The following NOL4L variants were observed in gnomAD, a reference collection of about 807,000 sequenced individuals.
NOL4L encodes nucleolar protein 4 like.
A neutral mutation model predicts 64.5 loss-of-function variants in NOL4L; 7 were observed. The observed-to-expected ratio is 0.11, with a 90% CI of 0.06 to 0.20. The LOEUF (loss-of-function observed/expected upper bound fraction) is 0.20, where lower values mean the gene tolerates loss of function less well. Ranked by LOEUF, NOL4L falls within the 10% of genes least tolerant of loss-of-function variation. NOL4L has a pLI of 1.00. For synonymous variants in NOL4L, 413 were observed against 401.0 expected (o/e 1.03, Z -0.36); for missense variants, 680 against 967.1 (o/e 0.70, Z 3.94).
chr20:32,481,461 C>T (rs1307604839), intron 4 of NOL4L, among the ~76,000 whole-genome samples: 1 of 152,196 alleles, frequency 6.6e-6, no homozygotes, highest in African/African-American at 2.4e-5. Flanking sequence ...GAGCAATTCC[C>T]AGGCGGTCCA....
chr20:32,550,178 C>G (rs181247697), intron 1 of NOL4L, among the ~76,000 whole-genome samples: 1 of 152,336 alleles, frequency 6.6e-6, no homozygotes, highest in African/African-American at 2.4e-5. Flanking sequence ...TAGAGTGTAT[C>G]TACACAATCC....
At chr20:32,487,345 G>T (rs906207768) in intron 4 of NOL4L, among the ~76,000 whole-genome samples, 1 of 151,610 alleles carries the variant, frequency 6.6e-6, no homozygotes, top group Non-Finnish European at 1.5e-5. Context: ...GATGGAATGA[G>T]GTGTGGACAA....
chr20:32,584,133 G>GCGCGCACACACACACA (rs1555811186), intron 1 of NOL4L, among the ~76,000 whole-genome samples: 5 of 88,822 alleles, frequency 5.6e-5, no homozygotes, highest in African/African-American at 2.6e-4. Flanking sequence ...CTCCGCGCGC[G>GCGCGCACACACACACA]CACACACACA....
At chr20:32,471,165 G>C (rs549680465) in intron 5 of NOL4L, among the ~76,000 whole-genome samples, 2 of 152,252 alleles carry the variant, frequency 1.3e-5, no homozygotes, top group South Asian at 4.1e-4. Flanking sequence ...GCAAGCTCCC[G>C]GGGAGTGAAA....
intron 1 of NOL4L, among the ~76,000 whole-genome samples, chr20:32,539,002 C>T (rs8125020): frequency 0.019 from 2,922 of 150,492 alleles, 188 homozygotes; most frequent in East Asian, 0.14. Context: ...GGACCAGAGC[C>T]CAGTGCCCAG....
At chr20:32,498,505 G>A (rs2016785326) in intron 4 of NOL4L, among the ~76,000 whole-genome samples, 1 of 151,866 alleles carries the variant, frequency 6.6e-6, no homozygotes, top group African/African-American at 2.4e-5. Context: ...GCTCATGCCT[G>A]TCATTCCAGC....
At chr20:32,499,760 A>AG in intron 4 of NOL4L, among the ~76,000 whole-genome samples, 1 of 150,536 alleles carries the variant, frequency 6.6e-6, no homozygotes, top group East Asian at 1.9e-4. Context: ...AAAAAAAAAA[A>AG]GGAACAATTA....
intron 5 of NOL4L, among the ~76,000 whole-genome samples, chr20:32,458,892 G>A (rs569112036): frequency 3.3e-5 from 5 of 152,316 alleles, no homozygotes; most frequent in African/African-American, 9.6e-5. Context: ...CTTGCCCTCC[G>A]CCACTGTGAG....
At chr20:32,492,433 G>T (rs557036712) in intron 4 of NOL4L, among the ~76,000 whole-genome samples, 10 of 152,238 alleles carry the variant, frequency 6.6e-5, no homozygotes, top group Non-Finnish European at 1.3e-4. Context: ...TGACTAGAGG[G>T]AGCACAAAGG....
chr20:32,517,325 C>T (rs1192733863), intron 3 of NOL4L, among the ~76,000 whole-genome samples: 1 of 152,234 alleles, frequency 6.6e-6, no homozygotes, highest in Admixed American at 6.5e-5. Flanking sequence ...CTGGGTCTGC[C>T]TCTGGGGCTG....
rs148705610 is a variant in NOL4L at position 32,476,909 on chromosome 20, G to C, written c.700-2167C>G. 1.1e-3 allele frequency among the ~76,000 whole-genome samples: 171 copies of C among 152,362 alleles called. No individual in the cohort carries two copies. The Middle Eastern group carries it at 0.014, about 12-fold the overall frequency. On this transcript the variant is annotated intron_variant, in intron 4 of 10. Coordinates refer to ENST00000621426, the MANE Select transcript of NOL4L (RefSeq NM_001256798.2). The stretch of plus-strand genomic sequence containing the variant: ...GTGAGGAGGGGAGCCCATGAGGTCT[G>C]TGTGGCTCCACGCAAGTTTCAGGCA...
At chr20:32,580,451 A>G (rs1187219843) in intron 1 of NOL4L, among the ~76,000 whole-genome samples, 5 of 152,240 alleles carry the variant, frequency 3.3e-5, no homozygotes, top group Admixed American at 3.3e-4. Context: ...GGTTTACACA[A>G]AAGCTCTGGG....
Position 32,447,131 on chromosome 20 carries a change from T to TACAA in NOL4L, c.*461_*464dup, listed in dbSNP as rs1327101479. ...CAGACAGACACAGACTAGCAATCTG[T>TACAA]ACAAACACAAAAGAATCCATTTTCA... On this transcript the variant is annotated 3_prime_UTR_variant, in exon 11 of 11. Coordinates refer to ENST00000621426, the MANE Select transcript of NOL4L (RefSeq NM_001256798.2). 9.4e-6 allele frequency: 4 copies of TACAA among 425,696 alleles called. No individual in the cohort carries two copies. Among genetic ancestry groups the TACAA allele is most frequent in the East Asian group, 1.4e-4 (2 of 14,274 alleles). The allele number at this position is 425,696 out of a possible 1,614,324, so 26.4% of individuals were successfully genotyped here.
At chr20:32,564,354 C>A (rs867753556) in intron 1 of NOL4L, among the ~76,000 whole-genome samples, 4 of 152,188 alleles carry the variant, frequency 2.6e-5, no homozygotes, top group Non-Finnish European at 5.9e-5. Flanking sequence ...AACCTCACAG[C>A]CGCTCATGGG....
intron 1 of NOL4L, among the ~76,000 whole-genome samples, chr20:32,550,917 G>C (rs1303972703): frequency 6.7e-6 from 1 of 149,020 alleles, no homozygotes; most frequent in Admixed American, 6.6e-5. Flanking sequence ...AAAGTTAGGC[G>C]TGGTGGTGGG....
intron 1 of NOL4L, among the ~76,000 whole-genome samples, chr20:32,565,253 G>A (rs918562100): frequency 3.4e-5 from 5 of 147,944 alleles, no homozygotes; most frequent in Non-Finnish European, 6.0e-5. Context: ...CCGAGTGGAC[G>A]GTCACGTGAG....
At chr20:32,478,267 ACACACACTCTCT>A (rs1020062194) in intron 4 of NOL4L, among the ~76,000 whole-genome samples, 6 of 127,966 alleles carry the variant, frequency 4.7e-5, no homozygotes, top group East Asian at 1.0e-3. Context: ...ACACACACAC[ACACACACTCTCT>A]CTCTCTCTCT....
chr20:32,462,870 A>T (rs1354434063), intron 5 of NOL4L, among the ~76,000 whole-genome samples: 3 of 146,120 alleles, frequency 2.1e-5, no homozygotes, highest in Non-Finnish European at 4.5e-5. Context: ...GCGCCATTGG[A>T]CTTCAGCCTG....
chr20:32,555,177 A>C (rs1260508590), intron 1 of NOL4L, among the ~76,000 whole-genome samples: 1 of 152,036 alleles, frequency 6.6e-6, no homozygotes, highest in East Asian at 1.9e-4. Flanking sequence ...GTGTTACGTT[A>C]ACTTCTACTT....
Sources: allele counts gnomAD v4.1 joint callset (sites outside exome capture counted in the v4.1 genomes callset), GRCh38; gene constraint gnomAD v4.1.1; transcripts MANE v1.5; gene names NCBI Gene and HGNC (gene_info 2026-07-23, HGNC 2026-07-21).